Variants in SEC22A observed in about 807,000 individuals in gnomAD.
SEC22A encodes the protein vesicle-trafficking protein SEC22a.
A neutral mutation model predicts 35.3 loss-of-function variants in SEC22A; 22 were observed. The ratio of observed to expected loss-of-function variants is 0.62; its 90% CI spans 0.45 to 0.89. SEC22A has a LOEUF of 0.89. SEC22A is among the 40% of genes least tolerant of loss of function. SEC22A has a pLI of 0.00. For synonymous variants in SEC22A, 119 were observed against 129.5 expected (o/e 0.92, Z 0.55); for missense variants, 354 against 362.5 (o/e 0.98, Z 0.19).
chr3:123,253,993 AAG>A (rs1364225845), intron 5 of SEC22A, among the ~76,000 whole-genome samples: 3 of 152,052 alleles, frequency 2.0e-5, no homozygotes, highest in East Asian at 3.8e-4. Context: ...AATAACAAAA[AAG>A]AGTTGGGGGA....
intron 4 of SEC22A, among the ~76,000 whole-genome samples, chr3:123,239,168 G>A (rs1172935744): frequency 2.0e-5 from 3 of 152,142 alleles, no homozygotes; most frequent in African/African-American, 7.2e-5. Flanking sequence ...GGAGATGACT[G>A]TCATAGAAAA....
intron 4 of SEC22A, among the ~76,000 whole-genome samples, chr3:123,231,169 C>T (rs1226903178): frequency 6.6e-6 from 1 of 152,092 alleles, no homozygotes; most frequent in African/African-American, 2.4e-5. Flanking sequence ...TAAGTAAAAC[C>T]TGCCAGAAGT....
Position 123,225,248 on chromosome 3 carries a change from C to T in SEC22A, c.492C>T (p.Val164=), listed in dbSNP as rs902378465. The T allele has an allele frequency of 1.2e-6, 2 of 1,613,404 alleles. No individual in the cohort carries two copies. Among genetic ancestry groups the T allele is most frequent in the African/African-American group, 1.3e-5 (1 of 75,000 alleles). ...GCGAACTGGGGTCAGCCAATGGAGTCACATCAGCATTTTCTGTTGACTGTA... is the reference window on the plus strand; with the variant it reads ...GCGAACTGGGGTCAGCCAATGGAGTTACATCAGCATTTTCTGTTGACTGTA... ...SMCELGSANG[V]TSAFSVDCKG... The change falls in exon 4 of 7, where the codon GTC becomes GTT. Residue 164 remains valine (V), a synonymous_variant. Coordinates refer to ENST00000492595, the MANE Select transcript of SEC22A (RefSeq NM_012430.5).
intron 4 of SEC22A, among the ~76,000 whole-genome samples, chr3:123,228,626 T>C (rs9839646): frequency 0.2 from 29,274 of 145,886 alleles, 2,986 homozygotes; most frequent in Middle Eastern, 0.28. Context: ...ACTGTGGGCA[T>C]GGGGTAGAGG....
At chr3:123,211,008 G>A (rs925772692) in intron 2 of SEC22A, among the ~76,000 whole-genome samples, 10 of 152,094 alleles carry the variant, frequency 6.6e-5, no homozygotes, top group Non-Finnish European at 1.2e-4. Context: ...ATCCTGGATC[G>A]CCCTGAAAGT....
chr3:123,208,252 A>G (rs1936882103), intron 1 of SEC22A: 1 of 152,340 alleles, frequency 6.6e-6, no homozygotes, highest in African/African-American at 2.4e-5. Context: ...TGAATATACT[A>G]TAATTTACTT....
rs150060632 is a variant in SEC22A at position 123,271,538 on chromosome 3, A to G, written c.740A>G (p.Tyr247Cys). The change falls in exon 7 of 7, where the codon TAC becomes TGC. Residue 247 changes from tyrosine to cysteine, a missense_variant. Coordinates refer to ENST00000492595, the MANE Select transcript of SEC22A (RefSeq NM_012430.5). ...ACLYQCYLLVYYTGWRNVKSF... is the reference protein window; with the variant it reads ...ACLYQCYLLVCYTGWRNVKSF... Reference sequence around the variant, plus strand: ...TTTGAACAGTGTTATTTACTTGTCTACTACACCGGCTGGCGGAATGTCAAA... The same window carrying G: ...TTTGAACAGTGTTATTTACTTGTCTGCTACACCGGCTGGCGGAATGTCAAA... 1.2e-6 allele frequency: 2 copies of G among 1,613,300 alleles called. No homozygotes were observed. The highest frequency in any genetic ancestry group is 1.3e-5 in the African/African-American group (1 of 74,936).
At chr3:123,221,470 C>CAA (rs56800842) in intron 2 of SEC22A, among the ~76,000 whole-genome samples, 1,769 of 60,216 alleles carry the variant, frequency 0.029, 113 homozygotes, top group Non-Finnish European at 0.031. Context: ...GAGTCCATCT[C>CAA]AAAAAAAAAA....
chr3:123,230,771 G>A (rs1402293134), intron 4 of SEC22A, among the ~76,000 whole-genome samples: 2 of 149,168 alleles, frequency 1.3e-5, no homozygotes, highest in Non-Finnish European at 3.0e-5. Flanking sequence ...AAGAAAAAAG[G>A]GAAAAAATGG....
chr3:123,223,309 C>G (rs776232186), intron 2 of SEC22A, among the ~76,000 whole-genome samples: 13 of 152,190 alleles, frequency 8.5e-5, no homozygotes, highest in Non-Finnish European at 1.9e-4. Flanking sequence ...CAAGTGATAA[C>G]TGAAATGTTA....
Position 123,271,668 on chromosome 3 carries a change from A to G in SEC22A, c.870A>G (p.Thr290=), listed in dbSNP as rs747221898. ...ATGTGACTGTGGGAGCATTTGTTAC[A>G]CTACAGATCTGGCTAAGGCAAGCCC... is the stretch of plus-strand genomic sequence containing the variant. ...FFHVTVGAFV[T]LQIWLRQAQG... is the part of the protein sequence containing the mutation. Residue 290 remains threonine, a synonymous_variant, in exon 7 of 7, where the codon ACA becomes ACG. Coordinates refer to ENST00000492595, the MANE Select transcript of SEC22A (RefSeq NM_012430.5). 8.1e-6 allele frequency: 13 copies of G among 1,614,028 alleles called. No individual in the cohort carries two copies. In the Admixed American group the frequency reaches 2.0e-4, roughly 25 times the overall value.
chr3:123,214,252 T>C (rs1485426151), intron 2 of SEC22A, among the ~76,000 whole-genome samples: 1 of 152,146 alleles, frequency 6.6e-6, no homozygotes, highest in Non-Finnish European at 1.5e-5. Context: ...ATTCCTTTAG[T>C]TTTCTTCTCC....
At chr3:123,228,281 T>C (rs754207431) in intron 4 of SEC22A, among the ~76,000 whole-genome samples, 1 of 149,716 alleles carries the variant, frequency 6.7e-6, no homozygotes, top group Non-Finnish European at 1.5e-5. Context: ...AACAGGAAAA[T>C]ATGGCCAGGT....
intron 5 of SEC22A, among the ~76,000 whole-genome samples, chr3:123,249,562 T>C (rs1300565326): frequency 6.6e-6 from 1 of 152,156 alleles, no homozygotes; most frequent in Non-Finnish European, 1.5e-5. Context: ...TCTCATCCTG[T>C]CGCCCAGGCT....
At chr3:123,246,338 G>A (rs1324505662) in intron 5 of SEC22A, among the ~76,000 whole-genome samples, 1 of 152,198 alleles carries the variant, frequency 6.6e-6, no homozygotes, top group Non-Finnish European at 1.5e-5. Context: ...CACAGAGTTG[G>A]GAAGGGGGAG....
intron 1 of SEC22A, chr3:123,202,292 T>A (rs112349488): frequency 0.021 from 3,122 of 151,190 alleles, 55 homozygotes; most frequent in Non-Finnish European, 0.025. Flanking sequence ...AGGAAAGGAG[T>A]GTTTGAAGGG....
chr3:123,271,596 C>T lies in SEC22A; in HGVS notation c.798C>T (p.Cys266=). ...TGACTTTTGGCTTAATCTGTCTATG[C>T]AACATGTATCTCTATGAACTGCGCA... ...SFLTFGLICL[C]NMYLYELRNL... Residue 266 remains cysteine, a synonymous_variant, in exon 7 of 7, where the codon TGC becomes TGT. Coordinates refer to ENST00000492595, the MANE Select transcript of SEC22A (RefSeq NM_012430.5). 1 of 1,614,168 alleles carries T rather than the reference C, an allele frequency of 6.2e-7. No individual in the cohort carries two copies. Among genetic ancestry groups the T allele is most frequent in the Non-Finnish European group, 8.5e-7 (1 of 1,180,000 alleles).
At chr3:123,245,141 A>G (rs1436631699) in intron 4 of SEC22A, among the ~76,000 whole-genome samples, 1 of 152,194 alleles carries the variant, frequency 6.6e-6, no homozygotes, top group Non-Finnish European at 1.5e-5. Context: ...AGTGATATTT[A>G]TAGCCCTAGA....
At chr3:123,266,198 A>T (rs1205151875) in intron 6 of SEC22A, among the ~76,000 whole-genome samples, 1 of 151,746 alleles carries the variant, frequency 6.6e-6, no homozygotes, top group Non-Finnish European at 1.5e-5. Flanking sequence ...TTTCTTTGTC[A>T]GTCTTACTTG....
Sources: allele counts gnomAD v4.1 joint callset (sites outside exome capture counted in the v4.1 genomes callset), GRCh38; gene constraint gnomAD v4.1.1; transcripts MANE v1.5; gene names NCBI Gene and HGNC (gene_info 2026-07-23, HGNC 2026-07-21).